The following KMT2C variants were observed in gnomAD, a reference collection of about 807,000 sequenced individuals.
KMT2C encodes the protein histone-lysine N-methyltransferase 2C.
Under a neutral mutation model 507.9 loss-of-function variants are expected in KMT2C, and 88 were observed. That is an observed-to-expected ratio of 0.17 (90% CI 0.15 to 0.21). The LOEUF is 0.21. KMT2C is among the 10% of genes least tolerant of loss of function. KMT2C has a pLI of 1.00. For missense variants in KMT2C, 4,954 were observed against 5,957.8 expected (o/e 0.83, Z 5.55); for synonymous variants, 2,049 against 2,080.8 (o/e 0.98, Z 0.42).
chr7:152,232,937 C>A (rs747119643), intron 16 of KMT2C, among the ~76,000 whole-genome samples: 1 of 152,070 alleles, frequency 6.6e-6, no homozygotes, highest in Admixed American at 6.5e-5. Context: ...ACACATTATA[C>A]CCACTGAGCA....
Position 152,138,763 on chromosome 7 carries a change from C to T in KMT2C, c.14643+33G>A, listed in dbSNP as rs756064170. The T allele has an allele frequency of 7.5e-7, 1 of 1,326,746 alleles. No individual in the cohort carries two copies. Among genetic ancestry groups the T allele is most frequent in the Admixed American group, 2.0e-5 (1 of 50,428 alleles). 82.2% of individuals were successfully genotyped at this position (1,326,746 alleles called of 1,614,324 possible). A position where few individuals can be genotyped will look rare whatever the true frequency, so the allele number is the denominator to read the frequency against. The stretch of plus-strand genomic sequence containing the variant: ...GGGAACTATTCGCCCAGGATCTGAA[C>T]AACATGGCAGATGCAATCTCTCACA... On this transcript the variant is annotated intron_variant, in intron 58 of 58. Transcript: ENST00000262189. The surrounding 1 kb of genome is among the most constrained non-coding windows in gnomAD (Gnocchi z 4.2).
intron 49 of KMT2C, among the ~76,000 whole-genome samples, chr7:152,152,202 C>A (rs961242986): frequency 2.0e-5 from 3 of 152,182 alleles, no homozygotes; most frequent in Non-Finnish European, 4.4e-5. Flanking sequence ...ACATCATGGT[C>A]GGTCTAAGGA....
At chr7:152,282,890 TA>T in intron 6 of KMT2C, among the ~76,000 whole-genome samples, 1 of 152,188 alleles carries the variant, frequency 6.6e-6, no homozygotes, top group Admixed American at 6.5e-5. Context: ...TCTAGAAAAT[TA>T]AGAGAATTTT....
rs891747367 is a variant in KMT2C at position 152,136,404 on chromosome 7, C to A, written c.*428G>T. 1 of 235,086 alleles carries A rather than the reference C, an allele frequency of 4.3e-6. No homozygotes were observed. The highest frequency in any genetic ancestry group is 8.4e-6 in the Non-Finnish European group (1 of 119,366). The allele number at this position is 235,086 out of a possible 1,614,324, so 14.6% of individuals were successfully genotyped here. On this transcript the variant is annotated 3_prime_UTR_variant, in exon 59 of 59. Coordinates refer to ENST00000262189, the MANE Select transcript of KMT2C (RefSeq NM_170606.3). ...TGGCCAGCACTCTCTGTCCCCCTCG[C>A]TGGTGATTTCAGTCTTACATTCATA...
At position 152,178,015 on chromosome 7, in the gene KMT2C, TAAAAAAAAAAAA is replaced by T. The variant is rs746018833; in HGVS notation, c.7443-17_7443-6del. ...CTACCTCCTGGAAATCCAAATCTTT[TAAAAAAAAAAAA>T]AAAAAAAAAAAAAAAGCAAATAGGT... On this transcript the variant is annotated splice_polypyrimidine_tract_variant and splice_region_variant and intron_variant, in intron 37 of 58. Transcript: ENST00000262189. 1.1e-4 allele frequency: 90 copies of T among 811,060 alleles called. No individual in the cohort carries two copies. The African/African-American group carries it at 1.6e-3, about 15-fold the overall frequency. The allele number at this position is 811,060 out of a possible 1,614,324, so 50.2% of individuals were successfully genotyped here. A position where few individuals can be genotyped will look rare whatever the true frequency, so the allele number is the denominator to read the frequency against.
At chr7:152,273,076 C>T (rs1386817332) in intron 7 of KMT2C, among the ~76,000 whole-genome samples, 1 of 151,986 alleles carries the variant, frequency 6.6e-6, no homozygotes, top group Admixed American at 6.5e-5. Context: ...TTTAATGATA[C>T]AATAGTAAAG....
chr7:152,367,097 A>G (rs1463603990), intron 1 of KMT2C: 29 of 834,946 alleles, frequency 3.5e-5, no homozygotes, highest in Non-Finnish European at 5.3e-5. Context: ...TTTTATCCAG[A>G]GAAGGAACAG....
chr7:152,377,750 A>G (rs2129246259), intron 1 of KMT2C, among the ~76,000 whole-genome samples: 1 of 151,916 alleles, frequency 6.6e-6, no homozygotes, highest in East Asian at 1.9e-4. Context: ...AAAAAAAAAA[A>G]AAAAGTGATT....
intron 18 of KMT2C, among the ~76,000 whole-genome samples, chr7:152,226,478 T>C (rs71541744): frequency 0.11 from 17,050 of 151,974 alleles, 2,194 homozygotes; most frequent in African/African-American, 0.31. Context: ...GTGATCCACC[T>C]GCCTCGGCCT....
intron 6 of KMT2C, among the ~76,000 whole-genome samples, chr7:152,282,066 C>T (rs113146301): frequency 1.3e-5 from 2 of 151,630 alleles, no homozygotes; most frequent in Non-Finnish European, 3.0e-5. Flanking sequence ...CCAAGGCAGG[C>T]GGATCACTTG....
chr7:152,177,067 T>C lies in KMT2C; in HGVS notation c.8386A>G (p.Lys2796Glu). ...AGAGTTTTGTTTTCTTGTTCCTTTT[T>C]TTTTGGTTCAACAGATACACACTGA... is the stretch of plus-strand genomic sequence containing the variant. ...DNQCVSVEPKKKEQENKTLVL... is the reference protein window; with the variant it reads ...DNQCVSVEPKEKEQENKTLVL... The change falls in exon 38 of 59, where the codon AAA (lysine) becomes GAA (glutamate). Residue 2796 changes from lysine to glutamate, a missense_variant. Lys to Glu is a moderately conservative substitution (Grantham distance 56, BLOSUM62 1). Around this residue, in one of 29 missense-constraint regions of KMT2C, gnomAD observed 1,689 missense variants for 1,654.3 expected, o/e 1.02. Coordinates refer to ENST00000262189, the MANE Select transcript of KMT2C (RefSeq NM_170606.3). 6.2e-7 allele frequency: 1 copy of C among 1,611,716 alleles called. No individual in the cohort carries two copies. The highest frequency in any genetic ancestry group is 1.1e-5 in the South Asian group (1 of 90,096).
intron 50 of KMT2C, 149 bp downstream of exon 50, chr7:152,151,293 C>G: frequency 1.3e-6 from 1 of 775,598 alleles, no homozygotes. Flanking sequence ...TCAGCCCAAG[C>G]ACATCTGATA....
At chr7:152,300,643 C>G (rs911443830) in intron 6 of KMT2C, among the ~76,000 whole-genome samples, 1 of 152,178 alleles carries the variant, frequency 6.6e-6, no homozygotes, top group Admixed American at 6.5e-5. Context: ...AAATCTTAGC[C>G]ATTACAACCC....
At chr7:152,252,463 TAGA>T in intron 10 of KMT2C, 80 bp downstream of exon 10, 1 of 1,102,566 alleles carries the variant, frequency 9.1e-7, no homozygotes. Flanking sequence ...GATAAAAACT[TAGA>T]AGCTGTAAGA....
intron 37 of KMT2C, among the ~76,000 whole-genome samples, chr7:152,179,625 T>C (rs932337236): frequency 6.7e-6 from 1 of 148,566 alleles, no homozygotes; most frequent in South Asian, 2.2e-4. Flanking sequence ...TTTGTCTATT[T>C]CTTTTAAAAA....
intron 18 of KMT2C, among the ~76,000 whole-genome samples, chr7:152,226,901 C>T (rs763382821): frequency 6.6e-6 from 1 of 152,334 alleles, no homozygotes. Flanking sequence ...GGCCAGTCTG[C>T]GTGACCCTGG....
rs759973306 is a variant in KMT2C at position 152,235,906 on chromosome 7, G to T, written c.2680C>A (p.Arg894=). 5 of 1,611,520 alleles carry T rather than the reference G, an allele frequency of 3.1e-6. No homozygotes were observed. Among genetic ancestry groups the T allele is most frequent in the Middle Eastern group, 2.2e-4 (1 of 4,460 alleles). ...GACAGTCCTGCACCTCGAGGTCTCC[G>T]CTTTCCTGGAAATCCAGACCCACGG... ...VGRGSGFPGK[R]RPRGAGLSGR... Residue 894 remains arginine, a synonymous_variant, in exon 16 of 59, where the codon CGG becomes AGG. Coordinates refer to ENST00000262189, the MANE Select transcript of KMT2C (RefSeq NM_170606.3).
At position 152,263,004 on chromosome 7, in the gene KMT2C, T is replaced by TA. The variant is rs780394004; in HGVS notation, c.1299+11dup. ...GAGAGGATTTAAAAAAATAAATAAA[T>TA]AAACAACTTACTTTGCATTTCCAGC... On this transcript the variant is annotated intron_variant, in intron 9 of 58. Transcript: ENST00000262189. 5.1e-6 allele frequency: 8 copies of TA among 1,582,640 alleles called. No individual in the cohort carries two copies. The highest frequency in any genetic ancestry group is 6.9e-6 in the Non-Finnish European group (8 of 1,161,182).
chr7:152,256,277 CA>C (rs2095660654), intron 9 of KMT2C, among the ~76,000 whole-genome samples: 2 of 149,164 alleles, frequency 1.3e-5, no homozygotes, highest in South Asian at 4.3e-4. Flanking sequence ...AATCCAGAAG[CA>C]AAAGAAGATT....
Sources: allele counts gnomAD v4.1 joint callset (sites outside exome capture counted in the v4.1 genomes callset), GRCh38; gene constraint gnomAD v4.1.1; regional missense constraint gnomAD v4.1.1; non-coding constraint Gnocchi (gnomAD v3.1); transcripts MANE v1.5; gene names NCBI Gene and HGNC (gene_info 2026-07-23, HGNC 2026-07-21).